Variants in MED13L observed in about 807,000 individuals in gnomAD.
MED13L encodes the protein mediator of RNA polymerase II transcription subunit 13-like.
A neutral mutation model predicts 220.9 loss-of-function variants in MED13L; 7 were observed. The ratio of observed to expected loss-of-function variants is 0.03; its 90% CI spans 0.02 to 0.06. The LOEUF (loss-of-function observed/expected upper bound fraction) is 0.06, where lower values mean the gene tolerates loss of function less well. MED13L is among the 10% of genes least tolerant of loss of function. The pLI is 1.00. For missense variants in MED13L, 1,965 were observed against 2,760.5 expected, an observed-to-expected ratio of 0.71 and a Z score of 6.46; for synonymous variants, 1,011 against 1,015.2, an observed-to-expected ratio of 1.00 and a Z score of 0.08.
At chr12:116,072,016 ATG>A (rs1160350846) in intron 4 of MED13L, among the ~76,000 whole-genome samples, 11 of 152,216 alleles carry the variant, frequency 7.2e-5, no homozygotes, top group African/African-American at 2.7e-4. Context: ...TTCACATTGG[ATG>A]TTGCCTAAAC....
chr12:115,970,838 T>C (rs1876532345), intron 26 of MED13L, 68 bp from the exon 27 acceptor site: 1 of 1,418,872 alleles, frequency 7.0e-7, no homozygotes, highest in Non-Finnish European at 9.8e-7. Flanking sequence ...TCAGAGGGCC[T>C]GATCTGGAGT....
chr12:116,170,509 G>A (rs1879590189), intron 2 of MED13L, among the ~76,000 whole-genome samples: 1 of 151,270 alleles, frequency 6.6e-6, no homozygotes. Context: ...CAAGGGAAGT[G>A]ATTCATGTAT....
chr12:116,201,698 C>CT (rs965398471), intron 2 of MED13L, among the ~76,000 whole-genome samples: 6 of 151,878 alleles, frequency 4.0e-5, no homozygotes, highest in African/African-American at 7.3e-5. Flanking sequence ...TGTATGGGTG[C>CT]TTTTTTTTCT....
rs77522349 is a variant in MED13L, at chr12:116,007,294, C to T, written c.2238+117G>A. 4.8e-4 allele frequency: 431 copies of T among 897,268 alleles called. 2 individuals are homozygous for T. In the East Asian group the frequency reaches 8.4e-3, roughly 17 times the overall value. The allele number at this position is 897,268 out of a possible 1,614,324, so 55.6% of individuals were successfully genotyped here. A position where few individuals can be genotyped will look rare whatever the true frequency, so the allele number is the denominator to read the frequency against. On this transcript the variant is annotated intron_variant, in intron 11 of 30. Transcript: ENST00000281928. ...AGTACCAAGAGCATGAATATGGGGA[C>T]AGAGCAATCAGGCAAGACTATCTCA... is the stretch of plus-strand genomic sequence containing the variant.
At chr12:116,276,660 A>C (rs1873868542) in intron 1 of MED13L, 1 of 1,184,154 alleles carries the variant, frequency 8.4e-7, no homozygotes, top group African/African-American at 1.7e-5. Flanking sequence ...ACGGGGGAAG[A>C]GGTTGCCGAT....
chr12:116,151,039 G>GT (rs1877996170), intron 2 of MED13L, among the ~76,000 whole-genome samples: 1 of 151,984 alleles, frequency 6.6e-6, no homozygotes, highest in Admixed American at 6.6e-5. Flanking sequence ...ACTCCCCAGA[G>GT]GTCTATCACA....
At chr12:116,276,191 A>G (rs1306454406) in intron 1 of MED13L, among the ~76,000 whole-genome samples, 2 of 152,150 alleles carry the variant, frequency 1.3e-5, no homozygotes, top group Non-Finnish European at 2.9e-5. Flanking sequence ...AACTGCTTCA[A>G]GATTAAGGCA....
chr12:116,017,787 T>G (rs1196743471), intron 7 of MED13L, among the ~76,000 whole-genome samples: 2 of 152,156 alleles, frequency 1.3e-5, no homozygotes, highest in Non-Finnish European at 2.9e-5. Flanking sequence ...AGCTCATTTT[T>G]GTATTTTTTG....
At chr12:116,052,816 A>G (rs1192984060) in intron 4 of MED13L, among the ~76,000 whole-genome samples, 2 of 152,236 alleles carry the variant, frequency 1.3e-5, no homozygotes, top group Admixed American at 1.3e-4. Context: ...CTAACCAGGT[A>G]TGAAAAATTA....
chr12:116,003,422 T>G (rs1258123608), intron 13 of MED13L, among the ~76,000 whole-genome samples: 1 of 152,042 alleles, frequency 6.6e-6, no homozygotes, highest in East Asian at 1.9e-4. Flanking sequence ...CCTCCAGTAG[T>G]AACTGACAAT....
chr12:116,109,232 A>G (rs1013772667), intron 3 of MED13L, among the ~76,000 whole-genome samples: 2 of 151,882 alleles, frequency 1.3e-5, no homozygotes, highest in African/African-American at 4.8e-5. Context: ...CATCATGCTC[A>G]GCTAACTTTT....
chr12:116,241,940 G>GA (rs1281822509), intron 1 of MED13L, among the ~76,000 whole-genome samples: 7 of 148,982 alleles, frequency 4.7e-5, no homozygotes. Context: ...GTTTGTCCAA[G>GA]AAAAAAAATT....
Position 116,007,615 on chromosome 12 carries a change from T to C in MED13L, c.2034A>G (p.Lys678=). The C allele has an allele frequency of 6.2e-7, 1 of 1,610,782 alleles. No homozygotes were observed. The highest frequency in any genetic ancestry group is 8.5e-7 in the Non-Finnish European group (1 of 1,179,258). The stretch of plus-strand genomic sequence containing the variant: ...GTTTGTCTTGCCAGATTTTAAACCG[T>C]TTGTTAGGTTGTGCTAAGAGTCTAA... The part of the protein sequence containing the change: ...ALQRLLAQPN[K]RFKIWQDKQP... The change falls in exon 11 of 31, where the codon AAA becomes AAG. Residue 678 remains lysine, a synonymous_variant. Coordinates refer to ENST00000281928, the MANE Select transcript of MED13L (RefSeq NM_015335.5).
At chr12:116,135,359 T>G (rs889231040) in intron 2 of MED13L, among the ~76,000 whole-genome samples, 1 of 152,166 alleles carries the variant, frequency 6.6e-6, no homozygotes, top group South Asian at 2.1e-4. Context: ...TTGTAGGGAC[T>G]CCAGTCAACA....
rs1347334472 is a variant in MED13L, at chr12:115,966,096, G to A, written c.6373C>T (p.Pro2125Ser). 3 of 1,613,964 alleles carry A rather than the reference G, an allele frequency of 1.9e-6. No homozygotes were observed. The highest frequency in any genetic ancestry group is 3.3e-5 in the Admixed American group (2 of 59,994). The stretch of plus-strand genomic sequence containing the variant: ...ACCAAACCAACCTTTAAGAAGAGAG[G>A]GCACTGGTTTTGAGCCTGGGGACAC... ...SSCPQAQNQC[P>S]LFLKASLHHH... Residue 2125 changes from proline to serine, a missense_variant, in exon 29 of 31, where the codon CCT (proline) becomes TCT (serine). This residue lies in a region of MED13L where 145 missense variants were observed against 328.3 expected (regional missense o/e 0.44). Transcript: ENST00000281928.
At chr12:116,254,746 A>G (rs1027460376) in intron 1 of MED13L, among the ~76,000 whole-genome samples, 3 of 150,732 alleles carry the variant, frequency 2.0e-5, no homozygotes, top group African/African-American at 7.4e-5. Flanking sequence ...ACAGAGTGAG[A>G]CTCTGTGTCC....
chr12:116,053,152 T>C (rs748093204), intron 4 of MED13L, among the ~76,000 whole-genome samples: 2 of 152,198 alleles, frequency 1.3e-5, no homozygotes, highest in Non-Finnish European at 2.9e-5. Flanking sequence ...TAGTTTCTTA[T>C]TAAAAAGTAA....
At position 115,969,051 on chromosome 12, in the gene MED13L, A is replaced by T; in HGVS notation, c.6114T>A (p.Asp2038Glu). 1 of 1,614,056 alleles carries T rather than the reference A, an allele frequency of 6.2e-7. No individual in the cohort carries two copies. The highest frequency in any genetic ancestry group is 8.5e-7 in the Non-Finnish European group (1 of 1,179,946). ...GGTTCCCAGTCATTAATATGCCAAT[A>T]TCATTGTCCATATCATCTGGGAATG... The part of the protein sequence containing the change: ...DLPFPDDMDN[D>E]IGILMTGNLH... Residue 2038 changes from aspartate (D) to glutamate (E), a missense_variant, in exon 28 of 31, where the codon GAT (aspartate) becomes GAA (glutamate). By Grantham distance (45) the Asp-to-Glu change is conservative. Around this residue, in one of 10 missense-constraint regions of MED13L, gnomAD observed 145 missense variants for 328.3 expected, o/e 0.44. Coordinates refer to ENST00000281928, the MANE Select transcript of MED13L (RefSeq NM_015335.5).
At chr12:116,070,375 G>C (rs907722629) in intron 4 of MED13L, among the ~76,000 whole-genome samples, 4 of 152,162 alleles carry the variant, frequency 2.6e-5, no homozygotes, top group Non-Finnish European at 5.9e-5. Flanking sequence ...TATTTAATCA[G>C]CAGATACTTA....
Sources: allele counts gnomAD v4.1 joint callset (sites outside exome capture counted in the v4.1 genomes callset), GRCh38; gene constraint gnomAD v4.1.1; regional missense constraint gnomAD v4.1.1; transcripts MANE v1.5; gene names NCBI Gene and HGNC (gene_info 2026-07-23, HGNC 2026-07-21).